Variants in ACAA1 observed in about 807,000 individuals in gnomAD.
ACAA1 encodes the protein 3-ketoacyl-CoA thiolase, peroxisomal.
ACAA1 carries 44 observed loss-of-function variants against 48.8 expected under a neutral mutation model. The observed-to-expected ratio is 0.90, with a 90% CI of 0.71 to 1.16. ACAA1 has a LOEUF of 1.16. ACAA1 is among the 50% of genes most tolerant of loss of function. The pLI is 0.00. For synonymous variants in ACAA1, 233 were observed against 226.5 expected, an observed-to-expected ratio of 1.03 and a Z score of -0.26; for missense variants, 512 against 562.3, an observed-to-expected ratio of 0.91 and a Z score of 0.90.
intron 2 of ACAA1, chr3:38,134,306 G>A (rs1700844691): frequency 2.0e-6 from 1 of 490,890 alleles, no homozygotes; most frequent in Admixed American, 3.4e-5. Flanking sequence ...AGTGAAATGG[G>A]AGTTTCTGAA....
chr3:38,126,323 C>T lies in ACAA1; in HGVS notation c.836G>A (p.Ser279Asn). The T allele has an allele frequency of 6.2e-7, 1 of 1,613,902 alleles. No individual in the cohort carries two copies. The highest frequency in any genetic ancestry group is 8.5e-7 in the Non-Finnish European group (1 of 1,179,858). Residue 279 changes from serine to asparagine, a missense_variant, in exon 9 of 12, where the codon AGT becomes AAT. By Grantham distance (46) the Ser-to-Asn change is conservative. Transcript: ENST00000333167. The surrounding 1 kb of genome is among the most constrained non-coding windows in gnomAD (Gnocchi z 4.7). ...CAGCAGGATGGCAGCTGCCCCATCACTCACCTGGCTAGAGTTTCCTAGGGG... is the reference window on the plus strand; with the variant it reads ...CAGCAGGATGGCAGCTGCCCCATCATTCACCTGGCTAGAGTTTCCTAGGGG... ...STTAGNSSQV[S>N]DGAAAILLAR...
chr3:38,136,537 TGGACGAAC>T, intron 2 of ACAA1, 47 bp downstream of exon 2: 1 of 1,602,740 alleles, frequency 6.2e-7, no homozygotes, highest in Non-Finnish European at 8.5e-7. Flanking sequence ...AGGAGAGCTC[TGGACGAAC>T]GGAAGAACGG....
intron 4 of ACAA1, 122 bp from the exon 5 acceptor site, chr3:38,131,760 C>A: frequency 7.7e-7 from 1 of 1,300,244 alleles, no homozygotes. Context: ...ATGGAAGACC[C>A]AGGAGTGTTC....
chr3:38,127,178 C>G (rs1700698290), intron 7 of ACAA1, among the ~76,000 whole-genome samples: 1 of 152,170 alleles, frequency 6.6e-6, no homozygotes, highest in Admixed American at 6.5e-5. Flanking sequence ...AAGGGTGACC[C>G]TTGCAAATAT....
In ACAA1 at chr3:38,126,376, G is replaced by C; in HGVS notation, c.818-35C>G. 6.2e-7 allele frequency: 1 copy of C among 1,608,508 alleles called. No homozygotes were observed. The highest frequency in any genetic ancestry group is 8.5e-7 in the Non-Finnish European group (1 of 1,176,710). ...AACTGTTGGGGTAAGAAGGCATCGG[G>C]GTGGGGATGAGGAGATCCCAGCCCT... On this transcript the variant is annotated intron_variant, in intron 8 of 11. Coordinates refer to ENST00000333167, the MANE Select transcript of ACAA1 (RefSeq NM_001607.4). The surrounding 1 kb of genome is among the most constrained non-coding windows in gnomAD (Gnocchi z 4.7).
intron 2 of ACAA1, chr3:38,135,358 G>A (rs1700869653): frequency 6.6e-6 from 1 of 152,064 alleles, no homozygotes; most frequent in African/African-American, 2.4e-5. Context: ...GGGGACTGGT[G>A]CTCAGCAATT....
At chr3:38,131,828 C>T (rs1268750244) in intron 4 of ACAA1, 98 bp downstream of exon 4, 89 of 1,326,886 alleles carry the variant, frequency 6.7e-5, no homozygotes, top group Non-Finnish European at 9.3e-5. Context: ...TGGTTAGAGT[C>T]CTCAGAAATG....
At position 38,126,140 on chromosome 3, in the gene ACAA1, C is replaced by T. The variant is rs780947245; in HGVS notation, c.997+22G>A. 3 of 1,608,970 alleles carry T rather than the reference C, an allele frequency of 1.9e-6. No individual in the cohort carries two copies. The highest frequency in any genetic ancestry group is 1.1e-5 in the South Asian group (1 of 90,462). On this transcript the variant is annotated intron_variant, in intron 9 of 11. Transcript: ENST00000333167. The surrounding 1 kb of genome is among the most constrained non-coding windows in gnomAD (Gnocchi z 4.7). Reference sequence around the variant, plus strand: ...GCAGGATCCAGGTGGGACCCAGATACTATATGAAGGAGCCACCTTACCTGC... The same window carrying T: ...GCAGGATCCAGGTGGGACCCAGATATTATATGAAGGAGCCACCTTACCTGC...
intron 1 of ACAA1, 74 bp from the exon 2 acceptor site, chr3:38,136,759 T>G (rs1575269357): frequency 1.3e-6 from 2 of 1,502,260 alleles, no homozygotes; most frequent in South Asian, 2.6e-5. Context: ...CGACCACAGC[T>G]GGGTGCGGAG....
At chr3:38,127,729 TAG>T (rs1700706333) in intron 7 of ACAA1, 55 bp downstream of exon 7, 1 of 1,571,404 alleles carries the variant, frequency 6.4e-7, no homozygotes, top group African/African-American at 1.4e-5. Context: ...ACCACTTAGA[TAG>T]ACTCAAAACC....
At chr3:38,132,165 G>C (rs1179731260) in intron 3 of ACAA1, 160 bp from the exon 4 acceptor site, 3 of 560,476 alleles carry the variant, frequency 5.4e-6, no homozygotes, top group Non-Finnish European at 9.6e-6. Context: ...CCATGGAATG[G>C]GGGTGAGCAG....
intron 11 of ACAA1, chr3:38,123,689 A>T (rs1244075594): frequency 6.6e-6 from 1 of 152,444 alleles, no homozygotes; most frequent in Non-Finnish European, 1.5e-5. Flanking sequence ...AACTTTTTTA[A>T]AAGATTGATT....
chr3:38,132,073 C>G (rs527288624), intron 3 of ACAA1, 68 bp from the exon 4 acceptor site: 3 of 1,419,284 alleles, frequency 2.1e-6, no homozygotes, highest in Non-Finnish European at 3.0e-6. Context: ...GAAAGCAGTC[C>G]TATGCTTCTA....
chr3:38,135,990 C>A (rs796589009), intron 2 of ACAA1, among the ~76,000 whole-genome samples: 1 of 152,184 alleles, frequency 6.6e-6, no homozygotes, highest in East Asian at 1.9e-4. Context: ...GAGGTCCCTG[C>A]GGCCTTTCGC....
In ACAA1 at chr3:38,129,465, T is replaced by C; in HGVS notation, c.447-77A>G. 1 of 1,191,682 alleles carries C rather than the reference T, an allele frequency of 8.4e-7. No homozygotes were observed. Among genetic ancestry groups the C allele is most frequent in the Non-Finnish European group, 1.2e-6 (1 of 819,496 alleles). The allele number at this position is 1,191,682 out of a possible 1,614,324, so 73.8% of individuals were successfully genotyped here. On this transcript the variant is annotated intron_variant, in intron 5 of 11. Coordinates refer to ENST00000333167, the MANE Select transcript of ACAA1 (RefSeq NM_001607.4). This position sits in a 1 kb window ranked among gnomAD's most constrained non-coding sequence, Gnocchi z 5.3. ...ACTCCTCCAGAGATAGCTGAACACT[T>C]GGCAAGTGCTAGGAAATAGCCAGGG...
Position 38,125,603 on chromosome 3 carries a change from G to T in ACAA1, c.1161C>A (p.Val387=). ...HPLGCTGARQ[V]ITLLNELKRR... ...GCTTCAGCTCATTGAGCAGCGTGAT[G>T]ACCTGTCGTGCCCCAGTGCAGCCCA... Residue 387 remains valine (V), a synonymous_variant, in exon 11 of 12, where the codon GTC becomes GTA. Coordinates refer to ENST00000333167, the MANE Select transcript of ACAA1 (RefSeq NM_001607.4). 1.3e-6 allele frequency: 2 copies of T among 1,591,132 alleles called. No individual in the cohort carries two copies. The highest frequency in any genetic ancestry group is 1.1e-5 in the South Asian group (1 of 88,004).
rs1700680917 is a variant in ACAA1 at position 38,126,284 on chromosome 3, T to C, written c.875A>G (p.Lys292Arg). 9 of 1,614,074 alleles carry C rather than the reference T, an allele frequency of 5.6e-6. No homozygotes were observed. Among genetic ancestry groups the C allele is most frequent in the Non-Finnish European group, 7.6e-6 (9 of 1,180,036 alleles). Residue 292 changes from lysine to arginine, a missense_variant, in exon 9 of 12, where the codon AAG becomes AGG. Transcript: ENST00000333167. This position sits in a 1 kb window ranked among gnomAD's most constrained non-coding sequence, Gnocchi z 4.7. ...GATGGGAAGGCCCAACTCTTCTGCC[T>C]TGGACCTCCGGGCCAGCAGGATGGC... ...AAAILLARRS[K>R]AEELGLPILG... is the part of the protein sequence containing the mutation.
intron 3 of ACAA1, 109 bp downstream of exon 3, chr3:38,133,843 T>G (rs989238058): frequency 7.3e-5 from 84 of 1,149,776 alleles, no homozygotes; most frequent in Non-Finnish European, 6.4e-5. Context: ...CGTTGCCTCA[T>G]TCTGGTGTCC....
Position 38,126,723 on chromosome 3 carries a change from G to A in ACAA1, c.627-23C>T, listed in dbSNP as rs1359761690. On this transcript the variant is annotated intron_variant, in intron 7 of 11. Transcript: ENST00000333167. The surrounding 1 kb of genome is among the most constrained non-coding windows in gnomAD (Gnocchi z 4.7). ...GCCCTGCCAGCACCATGGACAGCCA[G>A]CTTCAGACTCCCTTGGGGTTCCCTT... is the stretch of plus-strand genomic sequence containing the variant. The A allele has an allele frequency of 6.2e-7, 1 of 1,612,410 alleles. No homozygotes were observed.
Sources: allele counts gnomAD v4.1 joint callset (sites outside exome capture counted in the v4.1 genomes callset), GRCh38; gene constraint gnomAD v4.1.1; non-coding constraint Gnocchi (gnomAD v3.1); transcripts MANE v1.5; gene names NCBI Gene and HGNC (gene_info 2026-07-23, HGNC 2026-07-21).